The following MAGI2 variants were observed in gnomAD, a reference collection of about 807,000 sequenced individuals.
MAGI2 encodes the protein membrane associated guanylate kinase, WW and PDZ domain containing 2, also known as membrane-associated guanylate kinase, WW and PDZ domain-containing protein 2.
A neutral mutation model predicts 133.3 loss-of-function variants in MAGI2; 35 were observed. The ratio of observed to expected loss-of-function variants is 0.26; its 90% CI spans 0.20 to 0.35. The LOEUF (loss-of-function observed/expected upper bound fraction) is 0.35. Ranked by LOEUF, MAGI2 falls within the 10% of genes least tolerant of loss-of-function variation. The pLI is 1.00. For synonymous variants in MAGI2, 729 were observed against 710.6 expected, an observed-to-expected ratio of 1.03 and a Z score of -0.41; for missense variants, 1,636 against 1,863.4, an observed-to-expected ratio of 0.88 and a Z score of 2.25.
At chr7:79,261,741 A>C (rs1457223439) in intron 1 of MAGI2, among the ~76,000 whole-genome samples, 2 of 152,188 alleles carry the variant, frequency 1.3e-5, no homozygotes, top group African/African-American at 4.8e-5. Flanking sequence ...TGTTTACACA[A>C]AATACAATTT....
At chr7:79,157,937 T>TATGA (rs1554387731) in intron 1 of MAGI2, among the ~76,000 whole-genome samples, 42 of 61,834 alleles carry the variant, frequency 6.8e-4, no homozygotes, top group African/African-American at 1.3e-3. Context: ...AGAATCTTTG[T>TATGA]GTGAGTGTGT....
intron 1 of MAGI2, chr7:79,409,951 A>C (rs533509635): frequency 6.6e-6 from 1 of 152,274 alleles, no homozygotes; most frequent in South Asian, 2.1e-4. Context: ...GCCAAATATA[A>C]AATACATACT....
intron 1 of MAGI2, among the ~76,000 whole-genome samples, chr7:79,074,165 C>T (rs1271797127): frequency 6.6e-6 from 1 of 152,174 alleles, no homozygotes; most frequent in Non-Finnish European, 1.5e-5. Context: ...TTATCATACA[C>T]TGAACGTTCA....
intron 5 of MAGI2, among the ~76,000 whole-genome samples, chr7:78,499,441 A>C (rs925528783): frequency 6.6e-6 from 1 of 152,200 alleles, no homozygotes; most frequent in Non-Finnish European, 1.5e-5. Context: ...GTTTGAAAGC[A>C]AGGACAAAAT....
intron 9 of MAGI2, among the ~76,000 whole-genome samples, chr7:78,318,624 A>T (rs1243521629): frequency 6.6e-6 from 1 of 152,186 alleles, no homozygotes; most frequent in African/African-American, 2.4e-5. Flanking sequence ...AGACAATGCC[A>T]CAAAGATATT....
intron 9 of MAGI2, among the ~76,000 whole-genome samples, chr7:78,262,906 A>G (rs1793648376): frequency 6.6e-6 from 1 of 152,168 alleles, no homozygotes; most frequent in South Asian, 2.1e-4. Context: ...GGTTTGGAGT[A>G]TGACTGATCC....
chr7:78,021,651 C>A (rs922716395), intron 21 of MAGI2, among the ~76,000 whole-genome samples: 3 of 152,166 alleles, frequency 2.0e-5, no homozygotes, highest in Admixed American at 1.3e-4. Flanking sequence ...ATGTGAAATT[C>A]GAATGGAACA....
chr7:78,520,784 G>C (rs1448243197), intron 4 of MAGI2, among the ~76,000 whole-genome samples: 1 of 141,576 alleles, frequency 7.1e-6, no homozygotes, highest in Non-Finnish European at 1.6e-5. Flanking sequence ...CACATATGTG[G>C]TACAATGATC....
chr7:78,654,468 G>A (rs1260272844), intron 2 of MAGI2, among the ~76,000 whole-genome samples: 1 of 151,758 alleles, frequency 6.6e-6, no homozygotes, highest in African/African-American at 2.4e-5. Context: ...TTTGGGGAAT[G>A]TTGCATTTTC....
intron 2 of MAGI2, among the ~76,000 whole-genome samples, chr7:78,738,725 G>A (rs994345963): frequency 2.0e-5 from 3 of 152,278 alleles, no homozygotes; most frequent in African/African-American, 7.2e-5. Context: ...TAAAATAAAT[G>A]TGTGAAATGT....
intron 1 of MAGI2, among the ~76,000 whole-genome samples, chr7:79,250,767 T>C (rs1490114565): frequency 6.6e-6 from 1 of 152,010 alleles, no homozygotes; most frequent in Non-Finnish European, 1.5e-5. Context: ...CATGGAACCA[T>C]AAAAGACCTA....
At chr7:78,842,205 G>A (rs1189800832) in intron 2 of MAGI2, among the ~76,000 whole-genome samples, 1 of 151,950 alleles carries the variant, frequency 6.6e-6, no homozygotes, top group Non-Finnish European at 1.5e-5. Flanking sequence ...CAGTTACTAT[G>A]AAAGAGAAAG....
chr7:78,180,426 C>A (rs1827081228), intron 13 of MAGI2, among the ~76,000 whole-genome samples: 1 of 152,158 alleles, frequency 6.6e-6, no homozygotes, highest in Admixed American at 6.5e-5. Flanking sequence ...TGTCAAGGCA[C>A]AAGAAGTTTG....
At chr7:78,519,237 G>A (rs1315815068) in intron 4 of MAGI2, 1 of 151,594 alleles carries the variant, frequency 6.6e-6, no homozygotes, top group Non-Finnish European at 1.5e-5. Flanking sequence ...CTCAATAAAT[G>A]TAAAGAGAAA....
intron 2 of MAGI2, among the ~76,000 whole-genome samples, chr7:78,708,273 C>G (rs2151168597): frequency 6.6e-6 from 1 of 152,238 alleles, no homozygotes; most frequent in South Asian, 2.1e-4. Context: ...AAAACTCAGA[C>G]AGGAAGAGCT....
chr7:78,924,373 A>G (rs1434566377), intron 2 of MAGI2, among the ~76,000 whole-genome samples: 3 of 152,156 alleles, frequency 2.0e-5, no homozygotes, highest in Admixed American at 6.5e-5. Context: ...CGTCCCATCA[A>G]TACCTAATTT....
intron 1 of MAGI2, among the ~76,000 whole-genome samples, chr7:79,063,109 C>T (rs1263983628): frequency 6.6e-6 from 1 of 152,086 alleles, no homozygotes; most frequent in African/African-American, 2.4e-5. Flanking sequence ...ACTGAGAAGA[C>T]TCATTTTGTC....
At chr7:79,064,731 C>T (rs1483301920) in intron 1 of MAGI2, among the ~76,000 whole-genome samples, 2 of 152,094 alleles carry the variant, frequency 1.3e-5, no homozygotes, top group Admixed American at 1.3e-4. Flanking sequence ...TCCTCTGACA[C>T]ATGAATTTTA....
chr7:78,152,769 C>A (rs1232477105), intron 16 of MAGI2, among the ~76,000 whole-genome samples: 1 of 152,214 alleles, frequency 6.6e-6, no homozygotes, highest in Non-Finnish European at 1.5e-5. Flanking sequence ...CCCCACCCCA[C>A]TATTTCTTCT....
Sources: allele counts gnomAD v4.1 joint callset (sites outside exome capture counted in the v4.1 genomes callset), GRCh38; gene constraint gnomAD v4.1.1; transcripts MANE v1.5; gene names NCBI Gene and HGNC (gene_info 2026-07-23, HGNC 2026-07-21).